Variants in ZNF469 observed in about 807,000 individuals in gnomAD.
The protein encoded by ZNF469 is zinc finger protein 469.
A neutral mutation model predicts 1.0 loss-of-function variants in ZNF469; 1 was observed. That is an observed-to-expected ratio of 1.00 (90% CI 0.35 to 4.73). The LOEUF (loss-of-function observed/expected upper bound fraction) is 4.73. Ranked by LOEUF, ZNF469 falls within the 30% of genes most tolerant of loss-of-function variation. The pLI is 0.16. For missense variants in ZNF469, 6,100 were observed against 5,356.3 expected, an observed-to-expected ratio of 1.14 and a Z score of -4.33; for synonymous variants, 2,703 against 2,363.4, an observed-to-expected ratio of 1.14 and a Z score of -4.17.
the ZNF469 span, among the ~76,000 whole-genome samples, chr16:88,320,439 A>C: frequency 6.6e-6 from 1 of 152,124 alleles, no homozygotes; most frequent in Non-Finnish European, 1.5e-5. Context: ...GCTGGAGTGC[A>C]ATGGCATGAT....
At chr16:88,380,667 TCA>T (rs551304096), upstream of ZNF469, among the ~76,000 whole-genome samples, 141 of 112,322 alleles carry the variant, frequency 1.3e-3, no homozygotes, top group African/African-American at 4.9e-3. Flanking sequence ...AGACACGCCC[TCA>T]CACAAGACAT....
chr16:88,233,014 C>T, the ZNF469 span, among the ~76,000 whole-genome samples: 1 of 152,192 alleles, frequency 6.6e-6, no homozygotes, highest in African/African-American at 2.4e-5. Context: ...GGCTCTTCCT[C>T]CTCCGCCAGA....
At chr16:88,409,765 G>A (rs956077923) in intron 1 of ZNF469, among the ~76,000 whole-genome samples, 2 of 151,410 alleles carry the variant, frequency 1.3e-5, no homozygotes, top group South Asian at 2.1e-4. Context: ...CCACACATGC[G>A]GGCAGGGCAT....
At chr16:88,264,603 C>T in the ZNF469 span, among the ~76,000 whole-genome samples, 29 of 151,678 alleles carry the variant, frequency 1.9e-4, no homozygotes, top group Admixed American at 1.9e-3. Flanking sequence ...CATCCCAGCC[C>T]CATCTTCCTC....
the ZNF469 span, among the ~76,000 whole-genome samples, chr16:88,241,562 C>T: frequency 6.6e-6 from 1 of 152,086 alleles, no homozygotes; most frequent in African/African-American, 2.4e-5. This position sits in a 1 kb window ranked among gnomAD's most constrained non-coding sequence, Gnocchi z 4.8. Context: ...AGTGGTTGTC[C>T]CTCCCTTGCA....
At chr16:88,145,155 C>T in the ZNF469 span, among the ~76,000 whole-genome samples, 3 of 145,872 alleles carry the variant, frequency 2.1e-5, no homozygotes, top group East Asian at 4.7e-4. Context: ...GCCTATTTAA[C>T]GATTACAAAA....
Position 88,429,233 on chromosome 16 carries a change from C to G in ZNF469, c.1763C>G (p.Pro588Arg), listed in dbSNP as rs916979861. The G allele has an allele frequency of 4.5e-6, 7 of 1,549,802 alleles. No individual in the cohort carries two copies. The highest frequency in any genetic ancestry group is 4.9e-5 in the East Asian group (2 of 40,906). ...CCACCGAGGGTAGTGGGAGCCTCCC[C>G]CAGCGAGTCCCCACTGCCGTCACCG... is the stretch of plus-strand genomic sequence containing the variant. ...LPPPRVVGAS[P>R]SESPLPSPAT... is the part of the protein sequence containing the mutation. Residue 588 changes from proline (P) to arginine (R), a missense_variant, in exon 3 of 3, where the codon CCC becomes CGC. Transcript: ENST00000565624.
the ZNF469 span, among the ~76,000 whole-genome samples, chr16:88,342,033 C>T: frequency 6.6e-6 from 1 of 151,978 alleles, no homozygotes; most frequent in Non-Finnish European, 1.5e-5. Context: ...CTCCAGCCAA[C>T]AGGGTCCCAG....
chr16:88,416,943 A>G lies in ZNF469; in HGVS notation c.-191-7864A>G, dbSNP rs191463467. ...CCCAGGGCCTGGGACTGTCAGGTCA[A>G]GGTCAGCCACCCACACACTCAGGGC... On this transcript the variant is annotated intron_variant, in intron 1 of 2. Transcript: ENST00000565624. Among the ~76,000 whole-genome samples the G allele has an allele frequency of 6.0e-4, 92 of 152,326 alleles. 1 individual carries two copies. The East Asian group carries it at 0.016, about 27-fold the overall frequency.
At chr16:88,155,472 T>C in the ZNF469 span, among the ~76,000 whole-genome samples, 1 of 152,184 alleles carries the variant, frequency 6.6e-6, no homozygotes, top group Non-Finnish European at 1.5e-5. Context: ...ACTCCCATCC[T>C]CTCATCCCCC....
the ZNF469 span, among the ~76,000 whole-genome samples, chr16:88,123,661 C>T: frequency 1.3e-5 from 2 of 151,988 alleles, no homozygotes; most frequent in Admixed American, 6.6e-5. Flanking sequence ...GGTCGTCCCC[C>T]CCAGTAGATG....
chr16:88,349,184 G>A, the ZNF469 span, among the ~76,000 whole-genome samples: 6 of 152,266 alleles, frequency 3.9e-5, no homozygotes, highest in East Asian at 7.7e-4. Context: ...CACCCAGGCC[G>A]GTGCAGCCTT....
chr16:88,403,972 G>A (rs1404506441), intron 1 of ZNF469, among the ~76,000 whole-genome samples: 2 of 152,218 alleles, frequency 1.3e-5, no homozygotes, highest in Non-Finnish European at 2.9e-5. Flanking sequence ...GGGCCCCCCA[G>A]AGGCCTCTCC....
upstream of ZNF469, among the ~76,000 whole-genome samples, chr16:88,381,281 C>T (rs886408904): frequency 6.7e-6 from 1 of 150,336 alleles, no homozygotes; most frequent in Non-Finnish European, 1.5e-5. Context: ...CATGCACTCA[C>T]ACACACGCAC....
the ZNF469 span, among the ~76,000 whole-genome samples, chr16:88,291,980 G>T: frequency 6.6e-6 from 1 of 152,218 alleles, no homozygotes; most frequent in Non-Finnish European, 1.5e-5. Context: ...GGCTGGAGCC[G>T]AAGGTATGAG....
At chr16:88,191,879 A>T in the ZNF469 span, 2 of 152,282 alleles carry the variant, frequency 1.3e-5, no homozygotes, top group African/African-American at 2.4e-5. Context: ...TGGGGACCCC[A>T]GGGGCCTGCT....
At chr16:88,414,526 C>A (rs1039235157) in intron 1 of ZNF469, among the ~76,000 whole-genome samples, 1 of 152,244 alleles carries the variant, frequency 6.6e-6, no homozygotes, top group African/African-American at 2.4e-5. Flanking sequence ...AGGGCAGAGG[C>A]CCCCAGGCCC....
the ZNF469 span, among the ~76,000 whole-genome samples, chr16:88,296,512 C>T: frequency 6.6e-6 from 1 of 151,076 alleles, no homozygotes; most frequent in South Asian, 2.1e-4. Flanking sequence ...GACAAGCTCA[C>T]CCTCCCCACA....
At chr16:88,401,905 TGGAG>T (rs879822239) in intron 1 of ZNF469, among the ~76,000 whole-genome samples, 46,874 of 141,836 alleles carry the variant, frequency 0.33, 7,535 homozygotes, top group African/African-American at 0.47. Context: ...AGTGGATGGA[TGGAG>T]GGATGGATGG....
Sources: allele counts gnomAD v4.1 joint callset (sites outside exome capture counted in the v4.1 genomes callset), GRCh38; gene constraint gnomAD v4.1.1; non-coding constraint Gnocchi (gnomAD v3.1); transcripts MANE v1.5; gene names NCBI Gene and HGNC (gene_info 2026-07-23, HGNC 2026-07-21).